Variants in CSMD1 observed in about 807,000 individuals in gnomAD.
The protein encoded by CSMD1 is CUB and Sushi multiple domains 1.
CSMD1 carries 213 observed loss-of-function variants against 417.5 expected under a neutral mutation model. The observed-to-expected ratio is 0.51, with a 90% CI of 0.46 to 0.57. The LOEUF is 0.57. Among genes scored for constraint, CSMD1 ranks in the 20% least tolerant of loss-of-function variants. The pLI is 0.00. For missense variants in CSMD1, 6,923 were observed against 4,529.7 expected (o/e 1.53, Z -15.17); for synonymous variants, 2,862 against 1,736.8 (o/e 1.65, Z -16.11).
At chr8:4,529,534 A>T (rs1017264454) in intron 2 of CSMD1, among the ~76,000 whole-genome samples, 1 of 152,220 alleles carries the variant, frequency 6.6e-6, no homozygotes, top group Non-Finnish European at 1.5e-5. Flanking sequence ...CTCTGTCTTC[A>T]TTATTGACAG....
chr8:3,440,915 C>T (rs1030224896), intron 12 of CSMD1, among the ~76,000 whole-genome samples: 1 of 152,178 alleles, frequency 6.6e-6, no homozygotes, highest in Non-Finnish European at 1.5e-5. Flanking sequence ...CATGTCCACT[C>T]CCTTGTCCCC....
intron 3 of CSMD1, among the ~76,000 whole-genome samples, chr8:4,409,068 T>C (rs1483018979): frequency 1.3e-5 from 2 of 152,226 alleles, no homozygotes; most frequent in African/African-American, 4.8e-5. Context: ...ATTGAATTTA[T>C]TGGATAGCAG....
chr8:4,710,514 A>C (rs1190649075), intron 1 of CSMD1, among the ~76,000 whole-genome samples: 1 of 149,458 alleles, frequency 6.7e-6, no homozygotes, highest in East Asian at 1.9e-4. Flanking sequence ...ACATTGAGTA[A>C]GTGTGCCAGG....
intron 5 of CSMD1, among the ~76,000 whole-genome samples, chr8:3,878,368 C>T (rs937977432): frequency 3.3e-5 from 5 of 151,996 alleles, no homozygotes; most frequent in Non-Finnish European, 5.9e-5. Flanking sequence ...ATTTGATACA[C>T]GAAGAAAATC....
At chr8:4,632,780 G>T (rs374386361) in intron 2 of CSMD1, among the ~76,000 whole-genome samples, 2 of 152,132 alleles carry the variant, frequency 1.3e-5, no homozygotes, top group African/African-American at 4.8e-5. Flanking sequence ...GGAATGCCTA[G>T]GGAAGATTTC....
At chr8:3,129,722 C>T (rs1300156824) in intron 41 of CSMD1, among the ~76,000 whole-genome samples, 1 of 151,750 alleles carries the variant, frequency 6.6e-6, no homozygotes, top group Non-Finnish European at 1.5e-5. Flanking sequence ...GGCGGGGTGG[C>T]TCATGTTTGT....
At chr8:4,073,064 T>C (rs905322426) in intron 3 of CSMD1, among the ~76,000 whole-genome samples, 1 of 152,188 alleles carries the variant, frequency 6.6e-6, no homozygotes. Context: ...TCAATATTCA[T>C]TCTGGTTTTC....
intron 5 of CSMD1, among the ~76,000 whole-genome samples, chr8:3,823,642 A>C (rs1054820459): frequency 2.0e-5 from 3 of 152,180 alleles, no homozygotes; most frequent in African/African-American, 4.8e-5. Context: ...AATAATGTAT[A>C]ACAATAAAAA....
intron 3 of CSMD1, among the ~76,000 whole-genome samples, chr8:4,148,688 T>C (rs1322907309): frequency 6.6e-6 from 1 of 152,036 alleles, no homozygotes; most frequent in East Asian, 2.0e-4. Flanking sequence ...TCTCTTCTAG[T>C]AAGGGCACTC....
chr8:4,078,138 A>C (rs1799930864), intron 3 of CSMD1, among the ~76,000 whole-genome samples: 1 of 152,190 alleles, frequency 6.6e-6, no homozygotes, highest in African/African-American at 2.4e-5. Context: ...AATGAACTTT[A>C]AAATCAGCTT....
chr8:4,177,084 T>C (rs1026575847), intron 3 of CSMD1, among the ~76,000 whole-genome samples: 3 of 152,146 alleles, frequency 2.0e-5, no homozygotes, highest in African/African-American at 4.8e-5. Context: ...GCGGACCTAA[T>C]AGACATCTAC....
chr8:3,923,943 T>A (rs1809460349), intron 5 of CSMD1, among the ~76,000 whole-genome samples: 1 of 152,236 alleles, frequency 6.6e-6, no homozygotes, highest in Admixed American at 6.5e-5. Flanking sequence ...TTTTCACCAT[T>A]ATTACAGTAT....
chr8:4,804,644 T>C (rs1410187954), intron 1 of CSMD1, among the ~76,000 whole-genome samples: 1 of 152,042 alleles, frequency 6.6e-6, no homozygotes, highest in Non-Finnish European at 1.5e-5. Context: ...AGAGATAATA[T>C]TACAAAGAAT....
chr8:3,924,127 T>C lies in CSMD1; in HGVS notation c.818+73776A>G, dbSNP rs545026986. 1.4e-4 allele frequency among the ~76,000 whole-genome samples: 22 copies of C among 152,344 alleles called. 1 individual carries two copies. In the South Asian group the frequency reaches 3.5e-3, roughly 24 times the overall value. On this transcript the variant is annotated intron_variant, in intron 5 of 69. Transcript: ENST00000635120. ...TCTTGTTGATGCGGGAAAATCTGTA[T>C]CTCTCCATTTATGAAGGACAGTTTC...
At chr8:4,465,135 A>G (rs17415128) in intron 2 of CSMD1, among the ~76,000 whole-genome samples, 10,161 of 152,248 alleles carry the variant, frequency 0.067, 488 homozygotes, top group Non-Finnish European at 0.085. Context: ...TCTAAGGCTC[A>G]GAATATTACC....
chr8:4,215,534 G>T (rs1054102054), intron 3 of CSMD1, among the ~76,000 whole-genome samples: 1 of 151,446 alleles, frequency 6.6e-6, no homozygotes, highest in African/African-American at 2.4e-5. Context: ...CAGAGACCAG[G>T]ATCCTTTACA....
At chr8:3,194,499 C>T (rs950202645) in intron 33 of CSMD1, among the ~76,000 whole-genome samples, 1 of 148,064 alleles carries the variant, frequency 6.8e-6, no homozygotes, top group African/African-American at 2.5e-5. Flanking sequence ...ATTCTGTCAC[C>T]CAGGCTGGAG....
Position 3,958,228 on chromosome 8 carries a change from G to A in CSMD1, c.818+39675C>T, listed in dbSNP as rs866009947. Reference sequence around the variant, plus strand: ...AACCCAGAAATCCATAACCAAACATGAAGATAGACTACGTCTTCCATCGTT... The same window carrying A: ...AACCCAGAAATCCATAACCAAACATAAAGATAGACTACGTCTTCCATCGTT... On this transcript the variant is annotated intron_variant, in intron 5 of 69. Coordinates refer to ENST00000635120, the MANE Select transcript of CSMD1 (RefSeq NM_033225.6). Among the ~76,000 whole-genome samples, 37 of 151,974 alleles carry A rather than the reference G, an allele frequency of 2.4e-4. 1 individual carries two copies. In the Middle Eastern group the frequency reaches 0.01, roughly 42 times the overall value.
chr8:4,857,602 A>T (rs1476632451), intron 1 of CSMD1, among the ~76,000 whole-genome samples: 1 of 152,194 alleles, frequency 6.6e-6, no homozygotes, highest in Non-Finnish European at 1.5e-5. Flanking sequence ...ATCCCACAGA[A>T]ATACAAACTA....
Sources: gnomAD v4.1 joint callset for allele counts (sites outside exome capture counted in the v4.1 genomes callset) on GRCh38, gnomAD v4.1.1 for gene constraint, MANE v1.5 for transcripts, NCBI Gene and HGNC (gene_info 2026-07-23, HGNC 2026-07-21) for gene names.